SCN3A: variants seen among roughly 807,000 people sequenced by gnomAD.
SCN3A encodes the protein sodium voltage-gated channel alpha subunit 3.
In SCN3A, 60 loss-of-function variants were observed where a neutral mutation model predicts 187.6. The ratio of observed to expected loss-of-function variants is 0.32; its 90% confidence interval spans 0.26 to 0.40. The LOEUF (loss-of-function observed/expected upper bound fraction) is 0.40, where lower values mean the gene tolerates loss of function less well. Among genes scored for constraint, SCN3A ranks in the 10% least tolerant of loss-of-function variants. The pLI, the probability that SCN3A is intolerant of heterozygous loss-of-function variation, is 1.00. For synonymous variants in SCN3A, 788 were observed against 829.2 expected (o/e 0.95, Z 0.85); for missense variants, 1,601 against 2,428.2 (o/e 0.66, Z 7.16).
chr2:165,123,022 C>T (rs935761095), intron 18 of SCN3A: 2 of 152,082 alleles, frequency 1.3e-5, no homozygotes, highest in Non-Finnish European at 2.9e-5. Context: ...CTTAGGAAGA[C>T]AAACCAATAA....
chr2:165,149,911 A>G (rs1248558432), intron 11 of SCN3A, among the ~76,000 whole-genome samples: 1 of 152,178 alleles, frequency 6.6e-6, no homozygotes, highest in Admixed American at 6.5e-5. Context: ...CACATAACTA[A>G]TACTTTGTTC....
chr2:165,104,465 A>ACC (rs1685753306), intron 21 of SCN3A, among the ~76,000 whole-genome samples: 4 of 151,916 alleles, frequency 2.6e-5, no homozygotes, highest in African/African-American at 9.7e-5. Flanking sequence ...CTTACACCAA[A>ACC]TTAAATTTCA....
intron 1 of SCN3A, among the ~76,000 whole-genome samples, chr2:165,188,517 C>T (rs1022161922): frequency 1.1e-4 from 16 of 152,118 alleles, no homozygotes; most frequent in African/African-American, 3.6e-4. Flanking sequence ...CAGCAGGGCG[C>T]GGTGGCTCAC....
Position 165,140,466 on chromosome 2 carries a change from C to G in SCN3A, c.2019+185G>C, listed in dbSNP as rs549967148. ...ACAAGTAATTCCCATACAACAAAAG[C>G]TAATGGTCCCATACAATTCAATTGA... On this transcript the variant is annotated intron_variant, in intron 13 of 27. Coordinates refer to ENST00000283254, the MANE Select transcript of SCN3A (RefSeq NM_006922.4). The surrounding 1 kb of genome is among the most constrained non-coding windows in gnomAD (Gnocchi z 4.2). Among the ~76,000 whole-genome samples, 12 of 152,070 alleles carry G rather than the reference C, an allele frequency of 7.9e-5. No homozygotes were observed. Among genetic ancestry groups the G allele is most frequent in the African/African-American group, 2.9e-4 (12 of 41,498 alleles).
At chr2:165,151,952 G>A (rs984847431) in intron 11 of SCN3A, among the ~76,000 whole-genome samples, 2 of 152,172 alleles carry the variant, frequency 1.3e-5, no homozygotes, top group Non-Finnish European at 2.9e-5. Flanking sequence ...TGATTCACTA[G>A]TGAGGAATAA....
chr2:165,143,369 G>T (rs991817846), intron 12 of SCN3A, among the ~76,000 whole-genome samples: 7 of 152,180 alleles, frequency 4.6e-5, no homozygotes, highest in Admixed American at 3.9e-4. Flanking sequence ...TGTGGTACGT[G>T]TGTACATCCA....
At chr2:165,133,736 A>G (rs1559214646) in intron 15 of SCN3A, among the ~76,000 whole-genome samples, 1 of 151,928 alleles carries the variant, frequency 6.6e-6, no homozygotes, top group Non-Finnish European at 1.5e-5. Context: ...CAAGAAAAAC[A>G]CTAATTTTAA....
At chr2:165,193,019 A>G (rs933979329) in intron 1 of SCN3A, among the ~76,000 whole-genome samples, 3 of 152,122 alleles carry the variant, frequency 2.0e-5, no homozygotes, top group Non-Finnish European at 4.4e-5. Flanking sequence ...TAAACAAAAT[A>G]TATCATTAAT....
intron 18 of SCN3A, among the ~76,000 whole-genome samples, chr2:165,125,617 A>T (rs1046109245): frequency 6.6e-6 from 1 of 152,148 alleles, no homozygotes; most frequent in Admixed American, 6.5e-5. Flanking sequence ...GCACCCAGCC[A>T]GGATTAAAGT....
At chr2:165,116,066 TAGAA>T (rs1185041560) in intron 18 of SCN3A, among the ~76,000 whole-genome samples, 4 of 151,852 alleles carry the variant, frequency 2.6e-5, no homozygotes, top group Non-Finnish European at 4.4e-5. Context: ...TCTATAATTT[TAGAA>T]AGAAAGAGCA....
intron 3 of SCN3A, among the ~76,000 whole-genome samples, chr2:165,174,774 A>G (rs1690344366): frequency 6.6e-6 from 1 of 152,214 alleles, no homozygotes; most frequent in Non-Finnish European, 1.5e-5. Context: ...ATTCTATAGT[A>G]AATTGTTGAA....
At chr2:165,170,924 A>G (rs949018205) in intron 3 of SCN3A, among the ~76,000 whole-genome samples, 1 of 152,100 alleles carries the variant, frequency 6.6e-6, no homozygotes, top group East Asian at 1.9e-4. Flanking sequence ...ATCTTTTATA[A>G]GTATTTTAAT....
chr2:165,090,088 ACATATAC>A lies in SCN3A; in HGVS notation c.*55_*61del. The A allele has an allele frequency of 7.1e-6, 11 of 1,545,302 alleles. No homozygotes were observed. Among genetic ancestry groups the A allele is most frequent in the Non-Finnish European group, 9.6e-6 (11 of 1,146,158 alleles). ...GACCTCCTCTTGAAGTCCAGTTGACACATATACTTTACCTTCATAGGCTGTAAACAAT... is the reference window on the plus strand; with the variant it reads ...GACCTCCTCTTGAAGTCCAGTTGACATTTACCTTCATAGGCTGTAAACAAT... On this transcript the variant is annotated 3_prime_UTR_variant, in exon 28 of 28. Coordinates refer to ENST00000283254, the MANE Select transcript of SCN3A (RefSeq NM_006922.4). This position sits in a 1 kb window ranked among gnomAD's most constrained non-coding sequence, Gnocchi z 4.0.
chr2:165,120,922 G>T (rs575792797), intron 18 of SCN3A, among the ~76,000 whole-genome samples: 2 of 151,348 alleles, frequency 1.3e-5, no homozygotes, highest in Non-Finnish European at 2.9e-5. Flanking sequence ...TTTTAAAATA[G>T]CCTGAATAAG....
chr2:165,167,302 T>C (rs985343995), intron 5 of SCN3A, among the ~76,000 whole-genome samples: 1 of 152,208 alleles, frequency 6.6e-6, no homozygotes, highest in Non-Finnish European at 1.5e-5. Flanking sequence ...CTAAGTTAAA[T>C]GGCTTTCCTC....
chr2:165,130,339 T>C (rs1222369440), intron 16 of SCN3A, 43 bp from the exon 17 acceptor site: 1 of 1,591,624 alleles, frequency 6.3e-7, no homozygotes, highest in Admixed American at 1.7e-5. Context: ...AATCATAATA[T>C]AATTTTAGAC....
chr2:165,146,303 G>T (rs188149557), intron 12 of SCN3A, among the ~76,000 whole-genome samples: 18 of 151,616 alleles, frequency 1.2e-4, no homozygotes, highest in Non-Finnish European at 2.1e-4. Flanking sequence ...TTTATCTGGG[G>T]TCTCAAAATG....
chr2:165,163,354 A>AAG (rs202187393), intron 7 of SCN3A, among the ~76,000 whole-genome samples: 46 of 151,712 alleles, frequency 3.0e-4, no homozygotes, highest in Admixed American at 5.9e-4. Context: ...GGTAGTGAAA[A>AAG]AGAGAGAGAG....
intron 18 of SCN3A, among the ~76,000 whole-genome samples, chr2:165,121,997 A>G (rs191835350): frequency 6.6e-6 from 1 of 152,262 alleles, no homozygotes; most frequent in East Asian, 1.9e-4. Context: ...TCAAATAACA[A>G]ATGGGTACAC....
Sources: allele counts gnomAD v4.1 joint callset (sites outside exome capture counted in the v4.1 genomes callset), GRCh38; gene constraint gnomAD v4.1.1; non-coding constraint Gnocchi (gnomAD v3.1); transcripts MANE v1.5; gene names NCBI Gene and HGNC (gene_info 2026-07-23, HGNC 2026-07-21).